The following DCLK2 variants were observed in gnomAD, a reference collection of about 807,000 sequenced individuals.
The protein encoded by DCLK2 is serine/threonine-protein kinase DCLK2.
In DCLK2, 31 loss-of-function variants were observed where a neutral mutation model predicts 78.4. The observed-to-expected ratio is 0.40, with a 90% confidence interval of 0.30 to 0.53. The LOEUF (loss-of-function observed/expected upper bound fraction) is 0.53. Among genes scored for constraint, DCLK2 ranks in the 20% least tolerant of loss-of-function variants. The pLI, the probability that DCLK2 is intolerant of heterozygous loss-of-function variation, is 0.61. For missense variants in DCLK2, 872 were observed against 973.7 expected, an observed-to-expected ratio of 0.90 and a Z score of 1.39; for synonymous variants, 407 against 374.9, an observed-to-expected ratio of 1.09 and a Z score of -0.99.
intron 2 of DCLK2, among the ~76,000 whole-genome samples, chr4:150,143,454 A>C (rs2150216955): frequency 6.6e-6 from 1 of 152,310 alleles, no homozygotes; most frequent in Admixed American, 6.5e-5. Context: ...GACAAGCCTG[A>C]GCAACATGGT....
intron 5 of DCLK2, among the ~76,000 whole-genome samples, chr4:150,218,434 G>A (rs1740912801): frequency 6.6e-6 from 1 of 152,182 alleles, no homozygotes; most frequent in Admixed American, 6.5e-5. Context: ...CCCTCCTGAT[G>A]TGATGAGTGT....
chr4:150,197,981 T>G (rs1457079457), intron 3 of DCLK2, 21 bp from the exon 4 acceptor site: 1 of 1,594,386 alleles, frequency 6.3e-7, no homozygotes, highest in South Asian at 1.1e-5. Context: ...ATTTAGTTAA[T>G]GCACTTTTGT....
intron 15 of DCLK2, chr4:150,253,293 G>T (rs776838048): frequency 1.6e-6 from 1 of 627,276 alleles, no homozygotes; most frequent in Non-Finnish European, 2.8e-6. Flanking sequence ...AGTGTCAACC[G>T]TCTGGAGGTT....
intron 2 of DCLK2, among the ~76,000 whole-genome samples, chr4:150,116,647 TAGAGGTG>T (rs1732115258): frequency 6.6e-6 from 1 of 152,180 alleles, no homozygotes; most frequent in Non-Finnish European, 1.5e-5. Flanking sequence ...CCAGCGCTGA[TAGAGGTG>T]GCAGGGGAGT....
intron 2 of DCLK2, among the ~76,000 whole-genome samples, chr4:150,184,770 T>C (rs1024064510): frequency 2.5e-4 from 38 of 151,980 alleles, no homozygotes; most frequent in African/African-American, 9.2e-4. Context: ...CCCGGCTAAT[T>C]TTTTGTATTT....
At chr4:150,090,422 TAAAAA>T (rs1729972827) in intron 1 of DCLK2, among the ~76,000 whole-genome samples, 1 of 132,212 alleles carries the variant, frequency 7.6e-6, no homozygotes, top group Non-Finnish European at 1.7e-5. Flanking sequence ...AAAATAATGA[TAAAAA>T]CAAAACAAAA....
At chr4:150,185,961 C>T (rs888039083) in intron 2 of DCLK2, among the ~76,000 whole-genome samples, 6 of 152,232 alleles carry the variant, frequency 3.9e-5, no homozygotes, top group Admixed American at 6.5e-5. Context: ...CCTGTAGATA[C>T]GTTATTTTTC....
At chr4:150,142,910 CA>C (rs754140655) in intron 2 of DCLK2, among the ~76,000 whole-genome samples, 8 of 151,766 alleles carry the variant, frequency 5.3e-5, no homozygotes, top group Non-Finnish European at 1.2e-4. Flanking sequence ...ACCCATCAGC[CA>C]AATAGCATTG....
chr4:150,108,556 AAAAT>A (rs1285070637), intron 2 of DCLK2, among the ~76,000 whole-genome samples: 1 of 151,846 alleles, frequency 6.6e-6, no homozygotes, highest in African/African-American at 2.4e-5. Flanking sequence ...AAAAATTAAA[AAAAT>A]AAATAAAATA....
intron 2 of DCLK2, among the ~76,000 whole-genome samples, chr4:150,126,688 A>G (rs959708600): frequency 3.9e-5 from 6 of 152,204 alleles, no homozygotes; most frequent in African/African-American, 9.6e-5. Context: ...GAGATTATAT[A>G]TGCCCTCCAT....
At chr4:150,160,829 C>T in intron 2 of DCLK2, among the ~76,000 whole-genome samples, 1 of 152,146 alleles carries the variant, frequency 6.6e-6, no homozygotes, top group East Asian at 1.9e-4. Flanking sequence ...GAAACAGCCT[C>T]AGAAATCCTC....
intron 8 of DCLK2, 93 bp from the exon 9 acceptor site, chr4:150,232,244 C>A (rs1386832802): frequency 1.2e-5 from 17 of 1,476,020 alleles, no homozygotes; most frequent in Non-Finnish European, 1.6e-5. Flanking sequence ...GGCATCAGAT[C>A]CACAGGCTGT....
chr4:150,239,980 GTTGCTA>G (rs1742791091), intron 11 of DCLK2, 105 bp downstream of exon 11: 1 of 1,040,152 alleles, frequency 9.6e-7, no homozygotes, highest in South Asian at 1.6e-5. Flanking sequence ...GGTCTGTTTT[GTTGCTA>G]TTGCTGCTTG....
intron 1 of DCLK2, among the ~76,000 whole-genome samples, chr4:150,096,417 A>T (rs1730467994): frequency 6.6e-6 from 1 of 152,174 alleles, no homozygotes; most frequent in African/African-American, 2.4e-5. Flanking sequence ...CTCGAGAAAG[A>T]TCTAGGCCAG....
chr4:150,226,224 A>G (rs993034682), intron 8 of DCLK2, among the ~76,000 whole-genome samples: 1 of 79,334 alleles, frequency 1.3e-5, no homozygotes, highest in Non-Finnish European at 2.6e-5. Context: ...TTTGTCATTT[A>G]CTTTTTTTTT....
At chr4:150,086,059 A>G (rs1057338249) in intron 1 of DCLK2, among the ~76,000 whole-genome samples, 2 of 152,216 alleles carry the variant, frequency 1.3e-5, no homozygotes, top group Admixed American at 6.5e-5. Context: ...TCAGTAACAT[A>G]CAGGAGGATC....
chr4:150,098,885 G>A (rs191756306), intron 1 of DCLK2, among the ~76,000 whole-genome samples: 3 of 152,044 alleles, frequency 2.0e-5, no homozygotes, highest in East Asian at 1.9e-4. Context: ...TAGCAGAGAC[G>A]GAGTTTCACC....
intron 15 of DCLK2, among the ~76,000 whole-genome samples, chr4:150,254,828 C>T (rs1249541630): frequency 2.6e-5 from 4 of 152,124 alleles, no homozygotes; most frequent in African/African-American, 9.7e-5. Context: ...TACAGGTGCA[C>T]GCCACCTTGC....
chr4:150,242,587 TAGGTGGCTC>T (rs1743007952), intron 12 of DCLK2, among the ~76,000 whole-genome samples: 1 of 152,108 alleles, frequency 6.6e-6, no homozygotes, highest in Non-Finnish European at 1.5e-5. Flanking sequence ...GCACACCTGG[TAGGTGGCTC>T]AGTGTCCACT....
Sources: gnomAD v4.1 joint callset for allele counts (sites outside exome capture counted in the v4.1 genomes callset) on GRCh38, gnomAD v4.1.1 for gene constraint, MANE v1.5 for transcripts, NCBI Gene and HGNC (gene_info 2026-07-23, HGNC 2026-07-21) for gene names.